Variants in FGF12 observed in about 807,000 individuals in gnomAD.
The protein encoded by FGF12 is fibroblast growth factor 12.
FGF12 carries 14 observed loss-of-function variants against 23.6 expected under a neutral mutation model. That is an observed-to-expected ratio of 0.59 (90% CI 0.39 to 0.93). FGF12 has a LOEUF of 0.93. Ranked by LOEUF, FGF12 falls within the 40% of genes least tolerant of loss-of-function variation. FGF12 has a pLI of 0.00. For missense variants in FGF12, 175 were observed against 217.8 expected (o/e 0.80, Z 1.24); for synonymous variants, 62 against 77.3 (o/e 0.80, Z 1.04).
chr3:192,216,209 A>G (rs1247541986), intron 4 of FGF12, among the ~76,000 whole-genome samples: 1 of 152,164 alleles, frequency 6.6e-6, no homozygotes, highest in Admixed American at 6.6e-5. Flanking sequence ...CCAAGTGACT[A>G]TTTCTTTTAT....
intron 4 of FGF12, among the ~76,000 whole-genome samples, chr3:192,200,187 G>C (rs1056867543): frequency 6.6e-6 from 1 of 151,848 alleles, no homozygotes; most frequent in Non-Finnish European, 1.5e-5. Flanking sequence ...TAATTAGCCG[G>C]GTGTGGCTGC....
chr3:192,513,752 G>A (rs1724564559), intron 2 of FGF12, among the ~76,000 whole-genome samples: 1 of 152,190 alleles, frequency 6.6e-6, no homozygotes, highest in Non-Finnish European at 1.5e-5. Flanking sequence ...TTGTCTAGAT[G>A]TATTAGGGTG....
intron 2 of FGF12, among the ~76,000 whole-genome samples, chr3:192,714,810 G>T (rs1014007190): frequency 5.3e-5 from 8 of 152,074 alleles, no homozygotes; most frequent in African/African-American, 1.9e-4. Flanking sequence ...GAGCCACCGC[G>T]CCCGGCCAAG....
chr3:192,368,468 A>T (rs2108741072), intron 2 of FGF12, among the ~76,000 whole-genome samples: 1 of 152,312 alleles, frequency 6.6e-6, no homozygotes, highest in African/African-American at 2.4e-5. Context: ...ACATCACAGA[A>T]GCCTAAAGAA....
intron 4 of FGF12, among the ~76,000 whole-genome samples, chr3:192,217,033 A>T (rs751271706): frequency 5.3e-5 from 8 of 152,306 alleles, no homozygotes; most frequent in Non-Finnish European, 1.0e-4. Flanking sequence ...CACTTGCTAT[A>T]CATACAGTAT....
intron 2 of FGF12, among the ~76,000 whole-genome samples, chr3:192,623,815 T>C (rs556114519): frequency 1.3e-4 from 20 of 152,202 alleles, no homozygotes; most frequent in Non-Finnish European, 2.2e-4. Flanking sequence ...TGTTGGATTT[T>C]TTCATGGTGC....
chr3:192,330,490 T>C (rs545356494), intron 4 of FGF12, among the ~76,000 whole-genome samples: 4 of 152,252 alleles, frequency 2.6e-5, no homozygotes, highest in African/African-American at 4.8e-5. Context: ...TCTCAACAAG[T>C]GGTGTTGGAA....
At chr3:192,427,122 C>T (rs1003957269) in intron 2 of FGF12, among the ~76,000 whole-genome samples, 8 of 152,024 alleles carry the variant, frequency 5.3e-5, no homozygotes, top group Admixed American at 2.6e-4. Flanking sequence ...GTGGCTCACA[C>T]CTGTAATCCC....
chr3:192,378,062 C>T (rs1576927328), intron 2 of FGF12, among the ~76,000 whole-genome samples: 1 of 113,346 alleles, frequency 8.8e-6, no homozygotes, highest in East Asian at 2.5e-4. Flanking sequence ...TTCTTTCTTT[C>T]TTTCTTTCTT....
At chr3:192,525,219 C>T (rs903708835) in intron 2 of FGF12, among the ~76,000 whole-genome samples, 6 of 152,078 alleles carry the variant, frequency 3.9e-5, no homozygotes, top group Non-Finnish European at 7.4e-5. Flanking sequence ...GACAAGATAC[C>T]TACATAGATT....
intron 5 of FGF12, among the ~76,000 whole-genome samples, chr3:192,157,515 G>T (rs62295827): frequency 0.11 from 16,542 of 152,126 alleles, 1,086 homozygotes; most frequent in Middle Eastern, 0.21. Context: ...TCCAGGGCAA[G>T]CTTTCTATTT....
intron 2 of FGF12, among the ~76,000 whole-genome samples, chr3:192,659,723 C>G (rs1716580165): frequency 6.6e-6 from 1 of 152,138 alleles, no homozygotes; most frequent in Non-Finnish European, 1.5e-5. Flanking sequence ...AATCGCCACA[C>G]TGACTTCCAC....
intron 2 of FGF12, among the ~76,000 whole-genome samples, chr3:192,547,081 G>A (rs976196076): frequency 2.0e-5 from 3 of 152,074 alleles, no homozygotes; most frequent in Admixed American, 1.3e-4. Flanking sequence ...AGACAAACCA[G>A]ATTCTAGCTG....
At chr3:192,371,942 C>A (rs1181972750) in intron 2 of FGF12, among the ~76,000 whole-genome samples, 1 of 152,126 alleles carries the variant, frequency 6.6e-6, no homozygotes, top group Non-Finnish European at 1.5e-5. Flanking sequence ...CCCACAAACC[C>A]TGTGGAAATC....
chr3:192,653,081 C>T (rs9819020), intron 2 of FGF12, among the ~76,000 whole-genome samples: 86,481 of 151,720 alleles, frequency 0.57, 25,024 homozygotes, highest in East Asian at 0.67. Context: ...GAATGGTGCA[C>T]TAATAGAAAT....
Position 192,143,847 on chromosome 3 carries a change from G to A in FGF12, c.*162C>T. On this transcript the variant is annotated 3_prime_UTR_variant, in exon 6 of 6. Transcript: ENST00000445105. ...AAGCAAGCTTTGGTTCAATTTTCTT[G>A]TCCTACACAAAGGAAGATTTTGAGT... is the stretch of plus-strand genomic sequence containing the variant. 1.8e-6 allele frequency: 1 copy of A among 556,274 alleles called. No homozygotes were observed. Among genetic ancestry groups the A allele is most frequent in the Non-Finnish European group, 3.2e-6 (1 of 311,272 alleles). 34.5% of individuals were successfully genotyped at this position (556,274 alleles called of 1,614,324 possible).
At chr3:192,638,357 T>A (rs1715661144) in intron 2 of FGF12, among the ~76,000 whole-genome samples, 1 of 152,218 alleles carries the variant, frequency 6.6e-6, no homozygotes, top group Non-Finnish European at 1.5e-5. Flanking sequence ...AAAGATTCTT[T>A]CTTTTGATTC....
At chr3:192,394,564 C>T (rs964203674) in intron 2 of FGF12, among the ~76,000 whole-genome samples, 27 of 152,108 alleles carry the variant, frequency 1.8e-4, no homozygotes, top group African/African-American at 5.5e-4. Context: ...AAAGGAATTT[C>T]GGAAATCATT....
chr3:192,503,876 A>G (rs1199483889), intron 2 of FGF12, among the ~76,000 whole-genome samples: 1 of 152,102 alleles, frequency 6.6e-6, no homozygotes, highest in African/African-American at 2.4e-5. Flanking sequence ...ATTCTACCAT[A>G]AAGACATATG....
Sources: allele counts gnomAD v4.1 joint callset (sites outside exome capture counted in the v4.1 genomes callset), GRCh38; gene constraint gnomAD v4.1.1; transcripts MANE v1.5; gene names NCBI Gene and HGNC (gene_info 2026-07-23, HGNC 2026-07-21).